The following CCDC171 variants were observed in gnomAD, a reference collection of about 807,000 sequenced individuals.
CCDC171 encodes the protein coiled-coil domain containing 171.
A neutral mutation model predicts 168.2 loss-of-function variants in CCDC171; 177 were observed. That is an observed-to-expected ratio of 1.05 (90% CI 0.93 to 1.19). The LOEUF (loss-of-function observed/expected upper bound fraction) is 1.19, where lower values mean the gene tolerates loss of function less well. CCDC171 is among the 50% of genes most tolerant of loss of function. The pLI, the probability that CCDC171 is intolerant of heterozygous loss-of-function variation, is 0.00. For missense variants in CCDC171, 1,991 were observed against 1,539.0 expected, an observed-to-expected ratio of 1.29 and a Z score of -4.91; for synonymous variants, 687 against 540.8, an observed-to-expected ratio of 1.27 and a Z score of -3.75.
chr9:16,100,439 G>C, the CCDC171 span, among the ~76,000 whole-genome samples: 2 of 152,086 alleles, frequency 1.3e-5, no homozygotes, highest in African/African-American at 4.8e-5. Context: ...AAGTTCACAG[G>C]TATTTTGCCT....
At chr9:15,659,396 A>G (rs996791889) in intron 8 of CCDC171, among the ~76,000 whole-genome samples, 2 of 152,216 alleles carry the variant, frequency 1.3e-5, no homozygotes, top group African/African-American at 4.8e-5. Context: ...ATGCTTTAAA[A>G]TCTAATAAAT....
At position 15,626,525 on chromosome 9, in the gene CCDC171, G is replaced by A. The variant is rs554352611; in HGVS notation, c.822+3112G>A. Among the ~76,000 whole-genome samples the A allele has an allele frequency of 1.5e-4, 23 of 152,228 alleles. No individual in the cohort carries two copies. The South Asian group carries it at 4.6e-3, about 30-fold the overall frequency. On this transcript the variant is annotated intron_variant, in intron 7 of 25. Coordinates refer to ENST00000380701, the MANE Select transcript of CCDC171 (RefSeq NM_173550.4). ...TTTATTGAGAGTTTTTAGCATAAAG[G>A]GCTGTAGAATTTTGTCAAAGGCCTT...
chr9:15,642,613 ATTATGTCTATCAACAAACCCT>A (rs1320582487), intron 7 of CCDC171, among the ~76,000 whole-genome samples: 2 of 151,944 alleles, frequency 1.3e-5, no homozygotes, highest in Non-Finnish European at 2.9e-5. Context: ...CTTAAATTTC[ATTATGTCTATCAACAAACCCT>A]ACTCTTGGAA....
At chr9:15,650,374 T>C (rs1225225106) in intron 7 of CCDC171, among the ~76,000 whole-genome samples, 1 of 152,158 alleles carries the variant, frequency 6.6e-6, no homozygotes, top group African/African-American at 2.4e-5. Flanking sequence ...GTTGTGCATA[T>C]GTACCCTAGA....
chr9:15,785,278 G>T (rs1284324615), intron 21 of CCDC171, among the ~76,000 whole-genome samples: 3 of 152,080 alleles, frequency 2.0e-5, no homozygotes, highest in South Asian at 4.1e-4. Flanking sequence ...TAGAATTCTA[G>T]TTTTTGATTA....
chr9:15,937,921 G>C (rs1386359059), intron 25 of CCDC171, among the ~76,000 whole-genome samples: 1 of 151,906 alleles, frequency 6.6e-6, no homozygotes, highest in African/African-American at 2.4e-5. Context: ...AATTAATTGT[G>C]AGGAATGGAT....
At chr9:15,728,131 C>A in intron 15 of CCDC171, 95 bp downstream of exon 15, 1 of 959,750 alleles carries the variant, frequency 1.0e-6, no homozygotes, top group Non-Finnish European at 1.5e-6. Flanking sequence ...CATCTTATTT[C>A]AAAAAGAATT....
At chr9:15,938,506 A>G (rs1827352891) in intron 25 of CCDC171, among the ~76,000 whole-genome samples, 1 of 151,902 alleles carries the variant, frequency 6.6e-6, no homozygotes, top group African/African-American at 2.4e-5. Flanking sequence ...TCTATGGTTA[A>G]GGCCTTTTAC....
intron 3 of CCDC171, among the ~76,000 whole-genome samples, chr9:16,006,479 G>A (rs937050662): frequency 2.0e-5 from 3 of 151,968 alleles, no homozygotes; most frequent in South Asian, 2.1e-4. Flanking sequence ...TGTGCACAAC[G>A]TGCAGGTTTG....
chr9:15,629,592 G>GA (rs917319479), intron 7 of CCDC171, among the ~76,000 whole-genome samples: 3 of 152,194 alleles, frequency 2.0e-5, no homozygotes, highest in African/African-American at 7.2e-5. Flanking sequence ...AACCAAGTTG[G>GA]AAAACACTCT....
At chr9:16,013,229 C>T (rs761906322) in intron 3 of CCDC171, among the ~76,000 whole-genome samples, 21 of 152,172 alleles carry the variant, frequency 1.4e-4, no homozygotes, top group East Asian at 5.8e-4. Context: ...GAGGATTCCT[C>T]CTGCCTCTGT....
At chr9:16,050,687 G>A (rs1353937305) in intron 1 of CCDC171, among the ~76,000 whole-genome samples, 4 of 152,140 alleles carry the variant, frequency 2.6e-5, no homozygotes, top group Non-Finnish European at 4.4e-5. Context: ...TATGAGCATT[G>A]CACATGTCCA....
intron 21 of CCDC171, among the ~76,000 whole-genome samples, chr9:15,810,742 C>T (rs548219281): frequency 2.6e-5 from 4 of 152,314 alleles, no homozygotes; most frequent in South Asian, 4.1e-4. Flanking sequence ...TCGCGCTGCC[C>T]TGTGAGTGCT....
At chr9:15,781,072 G>T (rs2057641866) in intron 20 of CCDC171, among the ~76,000 whole-genome samples, 1 of 152,302 alleles carries the variant, frequency 6.6e-6, no homozygotes, top group South Asian at 2.1e-4. Context: ...ACTGTATTTA[G>T]ATTTAGATAA....
chr9:15,721,365 C>G (rs1351528391), intron 11 of CCDC171, among the ~76,000 whole-genome samples: 2 of 151,784 alleles, frequency 1.3e-5, no homozygotes, highest in Non-Finnish European at 2.9e-5. Context: ...ATAACTCCCC[C>G]AAACAATGGT....
chr9:15,635,034 C>T (rs567939610), intron 7 of CCDC171, among the ~76,000 whole-genome samples: 1 of 152,202 alleles, frequency 6.6e-6, no homozygotes, highest in East Asian at 1.9e-4. Flanking sequence ...GTGTCTCTGT[C>T]CATCAGTTGA....
intron 13 of CCDC171, 138 bp downstream of exon 13, chr9:15,723,884 T>A: frequency 2.4e-6 from 1 of 425,306 alleles, no homozygotes; most frequent in Non-Finnish European, 4.2e-6. Flanking sequence ...AGAATTTTAA[T>A]TTTTTCTTGT....
chr9:15,766,491 T>A (rs996305244), intron 18 of CCDC171, among the ~76,000 whole-genome samples: 24 of 151,856 alleles, frequency 1.6e-4, no homozygotes, highest in African/African-American at 5.8e-4. Flanking sequence ...TGCAATAAAT[T>A]AAGTAGCAGA....
chr9:15,938,462 A>G lies in CCDC171; in HGVS notation c.3753+18040A>G, dbSNP rs990133789. Among the ~76,000 whole-genome samples, 10 of 152,032 alleles carry G rather than the reference A, an allele frequency of 6.6e-5. No individual in the cohort carries two copies. In the East Asian group the frequency reaches 1.7e-3, roughly 27 times the overall value. The stretch of plus-strand genomic sequence containing the variant: ...TCCTAATTTTTTTTTCTTTTAAAAA[A>G]TGACTGTATATAAAGACTCACAAAT... On this transcript the variant is annotated intron_variant, in intron 25 of 25. Transcript: ENST00000380701.
Sources: gnomAD v4.1 joint callset for allele counts (sites outside exome capture counted in the v4.1 genomes callset) on GRCh38, gnomAD v4.1.1 for gene constraint, MANE v1.5 for transcripts, NCBI Gene and HGNC (gene_info 2026-07-23, HGNC 2026-07-21) for gene names.